The following IRS2 variants were observed in gnomAD, a reference collection of about 807,000 sequenced individuals.
IRS2 encodes insulin receptor substrate 2.
A neutral mutation model predicts 70.9 loss-of-function variants in IRS2; 28 were observed. That is an observed-to-expected ratio of 0.39 (90% CI 0.29 to 0.54). The LOEUF is 0.54. IRS2 is among the 20% of genes least tolerant of loss of function. IRS2 has a pLI of 0.59. For missense variants in IRS2, 2,081 were observed against 2,024.1 expected (o/e 1.03, Z -0.54); for synonymous variants, 1,217 against 981.9 (o/e 1.24, Z -4.48).
At chr13:109,778,646 G>A (rs1267236748) in intron 1 of IRS2, among the ~76,000 whole-genome samples, 3 of 152,172 alleles carry the variant, frequency 2.0e-5, no homozygotes, top group African/African-American at 4.8e-5. Flanking sequence ...AACATAAATC[G>A]TGATTTTATT....
In IRS2 at chr13:109,785,547, G is replaced by T; in HGVS notation, c.507C>A (p.Gly169=). 1 of 1,537,484 alleles carries T rather than the reference G, an allele frequency of 6.5e-7. No individual in the cohort carries two copies. Among genetic ancestry groups the T allele is most frequent in the East Asian group, 2.5e-5 (1 of 40,268 alleles). Reference sequence around the variant, plus strand: ...CGGCGCCGGCAGAGCCGCCCAGGGCGCCGGGCAGGGAGGCGCTGCAGGACG... The same window carrying T: ...CGGCGCCGGCAGAGCCGCCCAGGGCTCCGGGCAGGGAGGCGCTGCAGGACG... ...PAASCSASLP[G]ALGGSAGAAG... Residue 169 remains glycine (G), a synonymous_variant, in exon 1 of 2, where the codon GGC becomes GGA. Transcript: ENST00000375856. This position sits in a 1 kb window ranked among gnomAD's most constrained non-coding sequence, Gnocchi z 9.3.
At chr13:109,759,849 C>A (rs747657808) in intron 1 of IRS2, among the ~76,000 whole-genome samples, 16 of 152,114 alleles carry the variant, frequency 1.1e-4, no homozygotes, top group Non-Finnish European at 2.4e-4. Context: ...CGATACCTAC[C>A]ACCCACCTGA....
chr13:109,772,743 C>T (rs1406752529), intron 1 of IRS2, among the ~76,000 whole-genome samples: 13 of 145,268 alleles, frequency 8.9e-5, no homozygotes, highest in Non-Finnish European at 1.8e-4. Flanking sequence ...GGCCGGACTG[C>T]GGACTGCAGT....
chr13:109,782,872 G>A lies in IRS2; in HGVS notation c.3182C>T (p.Ser1061Leu), dbSNP rs746894027. The A allele has an allele frequency of 6.4e-6, 10 of 1,572,560 alleles. No individual in the cohort carries two copies. The highest frequency in any genetic ancestry group is 1.2e-5 in the South Asian group (1 of 86,092). The change falls in exon 1 of 2, where the codon TCG becomes TTG. Residue 1061 changes from serine to leucine, a missense_variant. Around this residue, in one of 4 missense-constraint regions of IRS2, gnomAD observed 1,615 missense variants for 1,459.5 expected, o/e 1.11. Coordinates refer to ENST00000375856, the MANE Select transcript of IRS2 (RefSeq NM_003749.3). Reference sequence around the variant, plus strand: ...ATTGTCCCCGGTGTCCGAGGACAACGATGAGGCGGCGCCCGGGCCCTGGGC... The same window carrying A: ...ATTGTCCCCGGTGTCCGAGGACAACAATGAGGCGGCGCCCGGGCCCTGGGC... ...ATAQGPGAAS[S>L]LSSDTGDNGD... is the part of the protein sequence containing the mutation.
At chr13:109,759,254 C>T (rs575345669) in intron 1 of IRS2, among the ~76,000 whole-genome samples, 1 of 152,210 alleles carries the variant, frequency 6.6e-6, no homozygotes, top group Non-Finnish European at 1.5e-5. Context: ...TCAGCGGGCA[C>T]AGGCCTGTGG....
intron 1 of IRS2, among the ~76,000 whole-genome samples, chr13:109,761,370 G>A (rs1877221791): frequency 6.6e-6 from 1 of 152,190 alleles, no homozygotes; most frequent in Non-Finnish European, 1.5e-5. Flanking sequence ...ATTAAAATTT[G>A]TATTTCTAGT....
rs911056184 is a variant in IRS2 at position 109,783,470 on chromosome 13, G to A, written c.2584C>T (p.Pro862Ser). 5 of 1,540,142 alleles carry A rather than the reference G, an allele frequency of 3.2e-6. No individual in the cohort carries two copies. In the African/African-American group the frequency reaches 6.9e-5, roughly 21 times the overall value. The change falls in exon 1 of 2, where the codon CCT becomes TCT. Residue 862 changes from proline to serine, a missense_variant. Physicochemically the swap from Pro to Ser is moderately conservative, Grantham distance 74 (BLOSUM62 -1). This residue lies in a region of IRS2 where 1,615 missense variants were observed against 1,459.5 expected (regional missense o/e 1.11). Transcript: ENST00000375856. The part of the protein sequence containing the change: ...SAFGAGPTQP[P>S]HPVVPSPVRP... ...ACGGGCGAAGGCACTACAGGGTGAG[G>A]GGGCTGCGTGGGGCCGGCCCCGAAG...
chr13:109,765,637 A>G (rs1161683890), intron 1 of IRS2, among the ~76,000 whole-genome samples: 3 of 64,162 alleles, frequency 4.7e-5, no homozygotes, highest in Non-Finnish European at 6.2e-5. Flanking sequence ...ATCCACCCTG[A>G]CTCCAACTCC....
rs1400981303 is a variant in IRS2 at position 109,753,588 on chromosome 13, G to A, written c.*2716C>T. 6.2e-6 allele frequency: 1 copy of A among 162,354 alleles called. No homozygotes were observed. Among genetic ancestry groups the A allele is most frequent in the Admixed American group, 6.4e-5 (1 of 15,512 alleles). The allele number at this position is 162,354 out of a possible 1,614,324, so 10.1% of individuals were successfully genotyped here. On this transcript the variant is annotated 3_prime_UTR_variant, in exon 2 of 2. Transcript: ENST00000375856. Reference sequence around the variant, plus strand: ...TGTTATGTATTTAGAATGGCATCCAGCACGTCATAAGGACTCTGTTTTGTA... The same window carrying A: ...TGTTATGTATTTAGAATGGCATCCAACACGTCATAAGGACTCTGTTTTGTA...
intron 1 of IRS2, among the ~76,000 whole-genome samples, chr13:109,763,093 C>T (rs1358704401): frequency 1.3e-5 from 2 of 152,164 alleles, no homozygotes; most frequent in Non-Finnish European, 2.9e-5. Context: ...TGGCAATGAA[C>T]CTAAACTCTT....
rs1196151093 is a variant in IRS2 at position 109,783,045 on chromosome 13, G to A, written c.3009C>T (p.Asp1003=). 1 of 1,369,958 alleles carries A rather than the reference G, an allele frequency of 7.3e-7. No individual in the cohort carries two copies. The highest frequency in any genetic ancestry group is 9.4e-7 in the Non-Finnish European group (1 of 1,067,294). The allele number at this position is 1,369,958 out of a possible 1,614,324, so 84.9% of individuals were successfully genotyped here. ...AGGAGGCCTCGGGGGACAGGAGGCCGTCCAAGGAGCCCACGGGGTGGCCGC... is the reference window on the plus strand; with the variant it reads ...AGGAGGCCTCGGGGGACAGGAGGCCATCCAAGGAGCCCACGGGGTGGCCGC... ...APSGHPVGSL[D]GLLSPEASSP... is the part of the protein sequence containing the mutation. Residue 1003 remains aspartate (D), a synonymous_variant, in exon 1 of 2, where the codon GAC becomes GAT. Coordinates refer to ENST00000375856, the MANE Select transcript of IRS2 (RefSeq NM_003749.3).
In IRS2 at chr13:109,784,559, A is replaced by G. The variant is rs2138936222; in HGVS notation, c.1495T>C (p.Ser499Pro). The change falls in exon 1 of 2, where the codon TCC becomes CCC. Residue 499 changes from serine (S) to proline (P), a missense_variant. Physicochemically the swap from Ser to Pro is moderately conservative, Grantham distance 74. Coordinates refer to ENST00000375856, the MANE Select transcript of IRS2 (RefSeq NM_003749.3). This position sits in a 1 kb window ranked among gnomAD's most constrained non-coding sequence, Gnocchi z 5.2. ...SGSPSDPGFMSLDEYGSSPGD... is the reference protein window; with the variant it reads ...SGSPSDPGFMPLDEYGSSPGD... ...GGGCTGGAGCCGTACTCGTCCAGGG[A>G]CATGAAGCCGGGGTCGCTGGGGGAG... The G allele has an allele frequency of 7.0e-7, 1 of 1,431,950 alleles. No homozygotes were observed. The highest frequency in any genetic ancestry group is 9.1e-7 in the Non-Finnish European group (1 of 1,098,078). The allele number at this position is 1,431,950 out of a possible 1,614,324, so 88.7% of individuals were successfully genotyped here.
rs2138930079 is a variant in IRS2 at position 109,782,581 on chromosome 13, A to G, written c.3473T>C (p.Val1158Ala). ...GGCGAAGGACGGGGACACGGGGGTG[A>G]CCGTCGTGGTGGAGGAGAAGGTCTC... Reference protein sequence around the residue: ...SSETFSSTTTVTPVSPSFAHN... With the variant: ...SSETFSSTTTATPVSPSFAHN... The change falls in exon 1 of 2, where the codon GTC becomes GCC. Residue 1158 changes from valine to alanine, a missense_variant. Val to Ala is a moderately conservative substitution (Grantham distance 64). This residue lies in a region of IRS2 where 1,615 missense variants were observed against 1,459.5 expected (regional missense o/e 1.11). Coordinates refer to ENST00000375856, the MANE Select transcript of IRS2 (RefSeq NM_003749.3). 1 of 1,572,006 alleles carries G rather than the reference A, an allele frequency of 6.4e-7. No homozygotes were observed.
Position 109,755,897 on chromosome 13 carries a change from C to A in IRS2, c.*407G>T. 1 of 270,664 alleles carries A rather than the reference C, an allele frequency of 3.7e-6. No homozygotes were observed. Among genetic ancestry groups the A allele is most frequent in the East Asian group, 5.4e-5 (1 of 18,428 alleles). 16.8% of individuals were successfully genotyped at this position (270,664 alleles called of 1,614,324 possible). ...TAAGCCAGTAAATACCAGATTTTACCACTTCCATAGGTACGGGTGCACTCT... is the reference window on the plus strand; with the variant it reads ...TAAGCCAGTAAATACCAGATTTTACAACTTCCATAGGTACGGGTGCACTCT... On this transcript the variant is annotated 3_prime_UTR_variant, in exon 2 of 2. Coordinates refer to ENST00000375856, the MANE Select transcript of IRS2 (RefSeq NM_003749.3).
chr13:109,759,493 C>T (rs973831797), intron 1 of IRS2, among the ~76,000 whole-genome samples: 5 of 152,136 alleles, frequency 3.3e-5, no homozygotes, highest in South Asian at 2.1e-4. Flanking sequence ...ACCTGCCAGC[C>T]GCAGCAGAGG....
In IRS2 at chr13:109,782,847, A is replaced by G. The variant is rs1286817398; in HGVS notation, c.3207T>C (p.Asn1069=). 1.9e-6 allele frequency: 3 copies of G among 1,583,742 alleles called. No homozygotes were observed. The Admixed American group carries it at 5.4e-5, about 29-fold the overall frequency. Residue 1069 remains asparagine, a synonymous_variant, in exon 1 of 2, where the codon AAT becomes AAC. Coordinates refer to ENST00000375856, the MANE Select transcript of IRS2 (RefSeq NM_003749.3). The part of the protein sequence containing the change: ...ASSLSSDTGD[N]GDYTEMAFGV... ...CAAAAGCCATCTCGGTGTAGTCACC[A>G]TTGTCCCCGGTGTCCGAGGACAACG...
Position 109,783,042 on chromosome 13 carries a change from GCCGTCC to G in IRS2, c.3006_3011del (p.Leu1002_Gly1004delinsPhe), listed in dbSNP as rs1332599373. 2.9e-6 allele frequency: 4 copies of G among 1,368,046 alleles called. No homozygotes were observed. Among genetic ancestry groups the G allele is most frequent in the Admixed American group, 7.5e-5 (2 of 26,666 alleles). 84.7% of individuals were successfully genotyped at this position (1,368,046 alleles called of 1,614,324 possible). A position where few individuals can be genotyped will look rare whatever the true frequency, so the allele number is the denominator to read the frequency against. On this transcript the variant is annotated inframe_deletion, in exon 1 of 2. Coordinates refer to ENST00000375856, the MANE Select transcript of IRS2 (RefSeq NM_003749.3). ...GGGAGGAGGCCTCGGGGGACAGGAG[GCCGTCC>G]AAGGAGCCCACGGGGTGGCCGCTCG...
chr13:109,776,790 C>T (rs571844750), intron 1 of IRS2, among the ~76,000 whole-genome samples: 29 of 152,306 alleles, frequency 1.9e-4, no homozygotes, highest in African/African-American at 6.7e-4. Context: ...AAAAGTCTAG[C>T]ACTGAACTCT....
rs9587981 is a variant in IRS2, at chr13:109,762,212, C to T, written c.4013-5904G>A. On this transcript the variant is annotated intron_variant, in intron 1 of 1. Coordinates refer to ENST00000375856, the MANE Select transcript of IRS2 (RefSeq NM_003749.3). ...CATGAAGTGAGCTATTCGTCTATGG[C>T]AAGAATTGCCCACTGCCCCTGCAGC... Among the ~76,000 whole-genome samples the T allele has an allele frequency of 6.1e-3, 933 of 152,286 alleles. 8 individuals are homozygous for T. Among genetic ancestry groups the T allele is most frequent in the African/African-American group, 0.022 (909 of 41,556 alleles).
Sources: gnomAD v4.1 joint callset for allele counts (sites outside exome capture counted in the v4.1 genomes callset) on GRCh38, gnomAD v4.1.1 for gene constraint, gnomAD v4.1.1 regional missense constraint, Gnocchi (gnomAD v3.1) non-coding constraint, MANE v1.5 for transcripts, NCBI Gene and HGNC (gene_info 2026-07-23, HGNC 2026-07-21) for gene names.